TMEM43: variants seen among roughly 807,000 people sequenced by gnomAD.
The protein encoded by TMEM43 is transmembrane protein 43.
In TMEM43, 45 loss-of-function variants were observed where a neutral mutation model predicts 49.6. The ratio of observed to expected loss-of-function variants is 0.91; its 90% CI spans 0.71 to 1.16. The LOEUF (loss-of-function observed/expected upper bound fraction) is 1.16. Ranked by LOEUF, TMEM43 falls within the 50% of genes most tolerant of loss-of-function variation. The pLI is 0.00. For missense variants in TMEM43, 532 were observed against 516.6 expected, an observed-to-expected ratio of 1.03 and a Z score of -0.29; for synonymous variants, 199 against 207.8, an observed-to-expected ratio of 0.96 and a Z score of 0.36.
At chr3:14,129,623 CG>C in intron 2 of TMEM43, 62 bp downstream of exon 2, 1 of 1,584,952 alleles carries the variant, frequency 6.3e-7, no homozygotes, top group Non-Finnish European at 8.7e-7. Context: ...AGAGCAAAGG[CG>C]ATGAACCCGG....
At chr3:14,138,752 C>T (rs1250842654) in intron 10 of TMEM43, among the ~76,000 whole-genome samples, 1 of 152,216 alleles carries the variant, frequency 6.6e-6, no homozygotes, top group African/African-American at 2.4e-5. Flanking sequence ...GGAAGAGGGG[C>T]AGCGACAGCG....
rs1312639832 is a variant in TMEM43, at chr3:14,132,908, A to T, written c.485A>T (p.Asp162Val). The T allele has an allele frequency of 6.2e-7, 1 of 1,614,024 alleles. No individual in the cohort carries two copies. Among genetic ancestry groups the T allele is most frequent in the South Asian group, 1.1e-5 (1 of 91,052 alleles). The change falls in exon 6 of 12, where the codon GAC becomes GTC. Residue 162 changes from aspartate (D) to valine (V), a missense_variant. Asp to Val is a radical substitution (Grantham distance 152, BLOSUM62 -3). Transcript: ENST00000306077. Reference protein sequence around the residue: ...RSEIINSKNFDREIGHKNPSA... With the variant: ...RSEIINSKNFVREIGHKNPSA... ...GAAATCATCAACAGCAAAAACTTCG[A>T]CCGAGAGATTGGCCACAAAAACCCC...
chr3:14,140,128 C>CT (rs1431657293), intron 11 of TMEM43, among the ~76,000 whole-genome samples: 2 of 152,326 alleles, frequency 1.3e-5, no homozygotes, highest in East Asian at 3.9e-4. Flanking sequence ...GGACCACCTC[C>CT]TTTGTTTACA....
At chr3:14,136,181 T>C (rs759307833) in intron 10 of TMEM43, among the ~76,000 whole-genome samples, 30 of 152,262 alleles carry the variant, frequency 2.0e-4, no homozygotes, top group African/African-American at 5.3e-4. Flanking sequence ...TTATGTTTCA[T>C]GTATACTTTG....
chr3:14,130,838 C>T lies in TMEM43; in HGVS notation c.179C>T (p.Thr60Met), dbSNP rs1362645227. The T allele has an allele frequency of 3.7e-6, 6 of 1,613,720 alleles. No individual in the cohort carries two copies. Among genetic ancestry groups the T allele is most frequent in the African/African-American group, 2.7e-5 (2 of 74,910 alleles). ...IFTNEGRALK[T>M]ATSLAEGLSL... ...TGCTCCCAGGGCCGCGCATTGAAGA[C>T]GGCAACCTCATTGGCTGAGGGGCTC... is the stretch of plus-strand genomic sequence containing the variant. The change falls in exon 3 of 12, where the codon ACG (threonine) becomes ATG (methionine). Residue 60 changes from threonine to methionine, a missense_variant. By Grantham distance (81) the Thr-to-Met change is moderately conservative. Coordinates refer to ENST00000306077, the MANE Select transcript of TMEM43 (RefSeq NM_024334.3).
In TMEM43 at chr3:14,132,922, C is replaced by G. The variant is rs1553603052; in HGVS notation, c.499C>G (p.His167Asp). ...NSKNFDREIG[H>D]KNPSAMAVES... ...CAAAAACTTCGACCGAGAGATTGGCCACAAAAACCCCAGGTGAGAGCCAGG... is the reference window on the plus strand; with the variant it reads ...CAAAAACTTCGACCGAGAGATTGGCGACAAAAACCCCAGGTGAGAGCCAGG... The change falls in exon 6 of 12, where the codon CAC becomes GAC. Residue 167 changes from histidine to aspartate, a missense_variant. His to Asp is a moderately conservative substitution (Grantham distance 81, BLOSUM62 -1). Transcript: ENST00000306077. 6.2e-7 allele frequency: 1 copy of G among 1,613,850 alleles called. No homozygotes were observed. The highest frequency in any genetic ancestry group is 1.7e-5 in the Admixed American group (1 of 60,012).
rs757742631 is a variant in TMEM43 at position 14,141,764 on chromosome 3, G to A, written c.1172G>A (p.Arg391Gln). 26 of 1,613,702 alleles carry A rather than the reference G, an allele frequency of 1.6e-5. No individual in the cohort carries two copies. The highest frequency in any genetic ancestry group is 3.3e-5 in the Admixed American group (2 of 59,996). Reference sequence around the variant, plus strand: ...GCCCTTGTGCCCATCCTTGTTGCTCGGACACGGGTGCCAGCCAAAAAGTTG... The same window carrying A: ...GCCCTTGTGCCCATCCTTGTTGCTCAGACACGGGTGCCAGCCAAAAAGTTG... ...GLALVPILVA[R>Q]TRVPAKKLE The change falls in exon 12 of 12, where the codon CGG becomes CAG. Residue 391 changes from arginine to glutamine, a missense_variant. Transcript: ENST00000306077.
Position 14,130,852 on chromosome 3 carries a change from G to A in TMEM43, c.193G>A (p.Ala65Thr), listed in dbSNP as rs1695084511. Residue 65 changes from alanine to threonine, a missense_variant, in exon 3 of 12, where the codon GCT (alanine) becomes ACT (threonine). Coordinates refer to ENST00000306077, the MANE Select transcript of TMEM43 (RefSeq NM_024334.3). The part of the protein sequence containing the change: ...GRALKTATSL[A>T]EGLSLVVSPD... ...CGCATTGAAGACGGCAACCTCATTG[G>A]CTGAGGGGCTCTCGCTTGTGGTGTC... The A allele has an allele frequency of 6.2e-7, 1 of 1,613,862 alleles. No individual in the cohort carries two copies. Among genetic ancestry groups the A allele is most frequent in the Non-Finnish European group, 8.5e-7 (1 of 1,179,874 alleles).
intron 11 of TMEM43, among the ~76,000 whole-genome samples, 192 bp downstream of exon 11, chr3:14,139,489 A>C (rs1218787907): frequency 6.6e-6 from 1 of 152,158 alleles, no homozygotes; most frequent in East Asian, 1.9e-4. Context: ...TGAGGGCAGG[A>C]GCTGCCAGGG....
At chr3:14,134,615 G>A (rs1695142001) in intron 7 of TMEM43, among the ~76,000 whole-genome samples, 155 bp from the exon 8 acceptor site, 1 of 152,230 alleles carries the variant, frequency 6.6e-6, no homozygotes, top group African/African-American at 2.4e-5. Flanking sequence ...CCCAGGGGAA[G>A]CCGTGGACGA....
chr3:14,137,442 G>A (rs1358449599), intron 10 of TMEM43, among the ~76,000 whole-genome samples: 1 of 152,198 alleles, frequency 6.6e-6, no homozygotes, highest in Non-Finnish European at 1.5e-5. Flanking sequence ...GCCCTGCAGT[G>A]CAGATGCTCA....
chr3:14,134,882 G>C lies in TMEM43; in HGVS notation c.696G>C (p.Lys232Asn). 1 of 1,614,212 alleles carries C rather than the reference G, an allele frequency of 6.2e-7. No individual in the cohort carries two copies. Among genetic ancestry groups the C allele is most frequent in the Non-Finnish European group, 8.5e-7 (1 of 1,180,040 alleles). Residue 232 changes from lysine (K) to asparagine (N), a missense_variant, in exon 8 of 12, where the codon AAG becomes AAC. By Grantham distance (94) the Lys-to-Asn change is moderately conservative. Transcript: ENST00000306077. ...TTTTCTACCACAGCGAAAATCCCAA[G>C]TATCCAGAGGTGTGCGGAGAGGCCT... Reference protein sequence around the residue: ...GDFFYHSENPKYPEVGDLRVS... With the variant: ...GDFFYHSENPNYPEVGDLRVS...
intron 10 of TMEM43, among the ~76,000 whole-genome samples, chr3:14,136,826 C>G (rs952156294): frequency 3.4e-5 from 5 of 148,864 alleles, no homozygotes; most frequent in Admixed American, 1.4e-4. Context: ...ATGCCTACCC[C>G]GGGTCCCAAG....
chr3:14,132,478 G>C (rs760075635), intron 4 of TMEM43, 68 bp from the exon 5 acceptor site: 25 of 1,575,342 alleles, frequency 1.6e-5, no homozygotes, highest in Non-Finnish European at 2.1e-5. Flanking sequence ...TTCCTGCTCA[G>C]ATGCTTAGAG....
At chr3:14,141,426 G>T (rs1398620482) in intron 11 of TMEM43, among the ~76,000 whole-genome samples, 167 bp from the exon 12 acceptor site, 1 of 152,204 alleles carries the variant, frequency 6.6e-6, no homozygotes, top group East Asian at 1.9e-4. Context: ...AGGCTCCTGT[G>T]CTCCCTTAGC....
rs993854204 is a variant in TMEM43 at position 14,129,400 on chromosome 3, C to A, written c.13-12C>A. ...ACTAGTTTTCATTCTGTTACTGTTT[C>A]TTTTTCTTCAGTATTCCAGTACCAG... On this transcript the variant is annotated splice_polypyrimidine_tract_variant and intron_variant, in intron 1 of 11. Transcript: ENST00000306077. The A allele has an allele frequency of 6.6e-7, 1 of 1,512,326 alleles. No individual in the cohort carries two copies. The highest frequency in any genetic ancestry group is 8.9e-7 in the Non-Finnish European group (1 of 1,123,026). The allele number at this position is 1,512,326 out of a possible 1,614,324, so 93.7% of individuals were successfully genotyped here.
rs572153199 is a variant in TMEM43, at chr3:14,133,569, G to C, written c.513-170G>C. ...GAGTGAGGGTGCTCAGCCCAGGGGA[G>C]GGGGCACAGGGCCCCTGGGGGTGGA... On this transcript the variant is annotated intron_variant, in intron 6 of 11. Transcript: ENST00000306077. Among the ~76,000 whole-genome samples, 87 of 152,288 alleles carry C rather than the reference G, an allele frequency of 5.7e-4. 2 individuals carry two copies. The South Asian group carries it at 0.018, about 31-fold the overall frequency.
rs932265324 is a variant in TMEM43, at chr3:14,134,765, C to T, written c.584-5C>T. The T allele has an allele frequency of 4.3e-6, 7 of 1,614,100 alleles. No homozygotes were observed. The highest frequency in any genetic ancestry group is 5.1e-6 in the Non-Finnish European group (6 of 1,179,980). Reference sequence around the variant, plus strand: ...CTGGGTTTCTAACCACTCTGGTCCCCTCAGGCCTCATCGACAAAGTCGACA... The same window carrying T: ...CTGGGTTTCTAACCACTCTGGTCCCTTCAGGCCTCATCGACAAAGTCGACA... On this transcript the variant is annotated splice_region_variant and splice_polypyrimidine_tract_variant and intron_variant, in intron 7 of 11. Coordinates refer to ENST00000306077, the MANE Select transcript of TMEM43 (RefSeq NM_024334.3).
In TMEM43 at chr3:14,131,585, G is replaced by A; in HGVS notation, c.303G>A (p.Leu101=). 1 of 1,613,988 alleles carries A rather than the reference G, an allele frequency of 6.2e-7. No individual in the cohort carries two copies. Among genetic ancestry groups the A allele is most frequent in the Non-Finnish European group, 8.5e-7 (1 of 1,179,882 alleles). ...TTCTTTGATTCTGTTTGAAGCTTTT[G>A]TCTGATCCAAACTATGGGGTCCATC... ...IIGALRTSKL[L]SDPNYGVHLP... Residue 101 remains leucine (L), a synonymous_variant, in exon 4 of 12, where the codon TTG becomes TTA. Transcript: ENST00000306077.
Sources: allele counts gnomAD v4.1 joint callset (sites outside exome capture counted in the v4.1 genomes callset), GRCh38; gene constraint gnomAD v4.1.1; transcripts MANE v1.5; gene names NCBI Gene and HGNC (gene_info 2026-07-23, HGNC 2026-07-21).